The following PRUNE2 variants were observed in gnomAD, a reference collection of about 807,000 sequenced individuals.
PRUNE2 encodes prune homolog 2 with BCH domain.
A neutral mutation model predicts 252.0 loss-of-function variants in PRUNE2; 164 were observed. The observed-to-expected ratio is 0.65, with a 90% CI of 0.57 to 0.74. The LOEUF is 0.74. Ranked by LOEUF, PRUNE2 falls within the 30% of genes least tolerant of loss-of-function variation. The pLI is 0.00. For synonymous variants in PRUNE2, 1,292 were observed against 1,350.2 expected (o/e 0.96, Z 0.94); for missense variants, 3,495 against 3,711.0 (o/e 0.94, Z 1.51).
At chr9:76,831,401 T>C (rs1477121954) in intron 4 of PRUNE2, among the ~76,000 whole-genome samples, 1 of 152,104 alleles carries the variant, frequency 6.6e-6, no homozygotes, top group African/African-American at 2.4e-5. Flanking sequence ...AATGTAAATA[T>C]GTGGGTAAGA....
At position 76,689,213 on chromosome 9, in the gene PRUNE2, T is replaced by A. The variant is rs577977432; in HGVS notation, c.8276+14124A>T. 2.6e-5 allele frequency among the ~76,000 whole-genome samples: 4 copies of A among 152,330 alleles called. No individual in the cohort carries two copies. In the South Asian group the frequency reaches 8.3e-4, roughly 32 times the overall value. ...ATCCTGTTAATAATAAACACTCAAG[T>A]TCTGACAGTAGAGTTGTTTCATTTT... On this transcript the variant is annotated intron_variant, in intron 9 of 18. Coordinates refer to ENST00000376718, the MANE Select transcript of PRUNE2 (RefSeq NM_015225.3).
intron 4 of PRUNE2, among the ~76,000 whole-genome samples, chr9:76,846,272 T>C (rs991567161): frequency 3.3e-5 from 5 of 152,164 alleles, no homozygotes; most frequent in African/African-American, 1.2e-4. Context: ...AGCAGTTCCA[T>C]TTAATATTCT....
chr9:76,712,286 T>A (rs922665181), intron 7 of PRUNE2, among the ~76,000 whole-genome samples: 1 of 152,170 alleles, frequency 6.6e-6, no homozygotes, highest in Admixed American at 6.5e-5. Context: ...GAAATGAAGA[T>A]ACAGGAAGAT....
intron 15 of PRUNE2, among the ~76,000 whole-genome samples, chr9:76,633,485 G>A (rs1838622821): frequency 1.3e-5 from 2 of 151,806 alleles, no homozygotes; most frequent in African/African-American, 4.8e-5. Context: ...GGAGGCTTAG[G>A]TGGGAGAATC....
At position 76,840,837 on chromosome 9, in the gene PRUNE2, C is replaced by T. The variant is rs112906872; in HGVS notation, c.508+5678G>A. ...CTCTGCTAAAAACACAAAAATTAGC[C>T]GGGCTTTGTGGCAGGCACCTGTAAT... On this transcript the variant is annotated intron_variant, in intron 4 of 18. Coordinates refer to ENST00000376718, the MANE Select transcript of PRUNE2 (RefSeq NM_015225.3). Among the ~76,000 whole-genome samples, 1,421 of 152,194 alleles carry T rather than the reference C, an allele frequency of 9.3e-3. 21 individuals carry two copies. Among genetic ancestry groups the T allele is most frequent in the African/African-American group, 0.033 (1,359 of 41,528 alleles).
chr9:76,861,076 A>G (rs752278048), intron 1 of PRUNE2, among the ~76,000 whole-genome samples: 1 of 152,224 alleles, frequency 6.6e-6, no homozygotes, highest in Non-Finnish European at 1.5e-5. Flanking sequence ...ACCCAGTCAC[A>G]GCCTCCAAGG....
Position 76,671,616 on chromosome 9 carries a change from T to C in PRUNE2, c.8277-16114A>G, listed in dbSNP as rs144922967. Among the ~76,000 whole-genome samples the C allele has an allele frequency of 4.8e-3, 724 of 151,816 alleles. 3 individuals carry two copies. Among genetic ancestry groups the C allele is most frequent in the African/African-American group, 0.016 (677 of 41,390 alleles). On this transcript the variant is annotated intron_variant, in intron 9 of 18. Coordinates refer to ENST00000376718, the MANE Select transcript of PRUNE2 (RefSeq NM_015225.3). ...CACATAATTGTCAGATTCACCAAAG[T>C]TGAAATGAAGGAAAAATGTTAAGGG...
chr9:76,839,461 G>A (rs1197931585), intron 4 of PRUNE2, among the ~76,000 whole-genome samples: 1 of 152,224 alleles, frequency 6.6e-6, no homozygotes, highest in Non-Finnish European at 1.5e-5. Context: ...AAATCATCAA[G>A]AGTGGAAAGA....
At chr9:76,652,335 G>GTCAA in intron 11 of PRUNE2, 148 bp downstream of exon 11, 1 of 647,594 alleles carries the variant, frequency 1.5e-6, no homozygotes, top group Non-Finnish European at 2.7e-6. Flanking sequence ...GCTCCAAACT[G>GTCAA]TCAATCATGG....
intron 6 of PRUNE2, among the ~76,000 whole-genome samples, chr9:76,731,280 C>CTCTCTCTCTCTATCTA (rs1403056135): frequency 1.2e-5 from 1 of 86,848 alleles, no homozygotes; most frequent in Admixed American, 1.5e-4. Context: ...TATTCCCTCT[C>CTCTCTCTCTCTATCTA]TCTATCTATC....
chr9:76,788,475 T>C lies in PRUNE2; in HGVS notation c.756+35157A>G, dbSNP rs1168524380. The C allele has an allele frequency of 6.8e-6, 5 of 730,482 alleles. No homozygotes were observed. The Admixed American group carries it at 9.7e-5, about 14-fold the overall frequency. The allele number at this position is 730,482 out of a possible 1,614,324, so 45.3% of individuals were successfully genotyped here. On this transcript the variant is annotated intron_variant, in intron 6 of 18. Transcript: ENST00000376718. ...TGCATTTGGAGCCAGAGTTCCTGGA[T>C]TGAAAGGCGTCTCTATTCACCAGCC...
At chr9:76,833,276 A>C (rs2058763434) in intron 4 of PRUNE2, among the ~76,000 whole-genome samples, 1 of 152,202 alleles carries the variant, frequency 6.6e-6, no homozygotes, top group African/African-American at 2.4e-5. Context: ...CAAGAATCAA[A>C]GTACAAATTA....
chr9:76,805,326 T>G (rs1016124279), intron 6 of PRUNE2, among the ~76,000 whole-genome samples: 14 of 152,106 alleles, frequency 9.2e-5, no homozygotes, highest in African/African-American at 3.4e-4. Context: ...ATTGTTTTAG[T>G]AAGTTGTGGT....
chr9:76,783,818 A>G (rs1252655431), intron 6 of PRUNE2: 1 of 152,218 alleles, frequency 6.6e-6, no homozygotes, highest in Non-Finnish European at 1.5e-5. Context: ...CTAAGTAGTG[A>G]CATGTTTTTG....
chr9:76,686,779 G>T (rs1735227572), intron 9 of PRUNE2, among the ~76,000 whole-genome samples: 1 of 152,114 alleles, frequency 6.6e-6, no homozygotes, highest in African/African-American at 2.4e-5. Context: ...AAGTTTTTTG[G>T]TAGAGATGGT....
intron 6 of PRUNE2, among the ~76,000 whole-genome samples, chr9:76,743,698 A>G (rs1050673597): frequency 4.6e-5 from 7 of 152,254 alleles, no homozygotes; most frequent in Admixed American, 2.0e-4. Flanking sequence ...AATAATGTGT[A>G]TACTATGATT....
chr9:76,765,927 A>G (rs1451023906), intron 6 of PRUNE2, among the ~76,000 whole-genome samples: 1 of 152,148 alleles, frequency 6.6e-6, no homozygotes, highest in Non-Finnish European at 1.5e-5. Context: ...TCACGCCTAT[A>G]ATCCCAGTAC....
chr9:76,847,313 G>A (rs1305605212), intron 3 of PRUNE2, among the ~76,000 whole-genome samples: 9 of 148,830 alleles, frequency 6.0e-5, no homozygotes, highest in Admixed American at 2.7e-4. Context: ...GCAATAGAGC[G>A]AGAATCTGTC....
chr9:76,873,741 C>T lies in PRUNE2; in HGVS notation c.37-19533G>A, dbSNP rs1455143089. Among the ~76,000 whole-genome samples the T allele has an allele frequency of 4.6e-5, 7 of 152,154 alleles. No individual in the cohort carries two copies. In the South Asian group the frequency reaches 1.2e-3, roughly 27 times the overall value. On this transcript the variant is annotated intron_variant, in intron 1 of 18. Transcript: ENST00000376718. ...AATTTGTGCTCTGGCCAACTATGGA[C>T]GGGCTACCCGATACACAATATCGAT...
Sources: gnomAD v4.1 joint callset for allele counts (sites outside exome capture counted in the v4.1 genomes callset) on GRCh38, gnomAD v4.1.1 for gene constraint, MANE v1.5 for transcripts, NCBI Gene and HGNC (gene_info 2026-07-23, HGNC 2026-07-21) for gene names.